SLC25A43: variants seen among roughly 807,000 people sequenced by gnomAD.
SLC25A43 encodes the protein solute carrier family 25, member 43.
Under a neutral mutation model 22.8 loss-of-function variants are expected in SLC25A43, and 10 were observed. The ratio of observed to expected loss-of-function variants is 0.44; its 90% CI spans 0.27 to 0.74. The LOEUF is 0.74. Among genes scored for constraint, SLC25A43 ranks in the 30% least tolerant of loss-of-function variants. The pLI, the probability that SLC25A43 is intolerant of heterozygous loss-of-function variation, is 0.17. For missense variants in SLC25A43, 233 were observed against 279.1 expected, an observed-to-expected ratio of 0.83 and a Z score of 1.18; for synonymous variants, 106 against 121.6, an observed-to-expected ratio of 0.87 and a Z score of 0.84.
At chrX:119,408,080 G>A (rs1000879315) in intron 2 of SLC25A43, among the ~76,000 whole-genome samples, 8 of 109,945 alleles carry the variant, frequency 7.3e-5, no homozygotes, top group Non-Finnish European at 1.5e-4. Flanking sequence ...TCATTTCACT[G>A]CTCTCCTTAA....
At position 119,410,211 on chromosome X, in the gene SLC25A43, G is replaced by C. The variant is rs1435302311; in HGVS notation, c.539G>C (p.Gly180Ala). The part of the protein sequence containing the change: ...TVVGALPFSA[G>A]SLLVYMNLEK... ...GCAGGTGCTCTCCCGTTCTCTGCTG[G>C]CTCCCTTCTTGTTTACATGAACCTG... Residue 180 changes from glycine (G) to alanine (A), a missense_variant, in exon 3 of 5, where the codon GGC becomes GCC. Transcript: ENST00000217909. 8.3e-7 allele frequency: 1 copy of C among 1,210,837 alleles called. No individual in the cohort carries two copies. Among genetic ancestry groups the C allele is most frequent in the Non-Finnish European group, 1.1e-6 (1 of 895,244 alleles).
chrX:119,400,054 T>A (rs1480806055), intron 1 of SLC25A43, among the ~76,000 whole-genome samples: 4 of 111,858 alleles, frequency 3.6e-5, no homozygotes, highest in Non-Finnish European at 7.5e-5. Context: ...TTTGGAAACT[T>A]TTGCTTAGGC....
intron 3 of SLC25A43, among the ~76,000 whole-genome samples, chrX:119,420,696 G>A (rs1027463979): frequency 2.7e-5 from 3 of 112,083 alleles, no homozygotes; most frequent in Admixed American, 9.5e-5. Context: ...TGCGATCCTT[G>A]TTGCACAGAG....
At chrX:119,427,812 G>A (rs763311859) in intron 3 of SLC25A43, among the ~76,000 whole-genome samples, 32 of 111,960 alleles carry the variant, frequency 2.9e-4, no homozygotes, top group Non-Finnish European at 5.1e-4. Flanking sequence ...GCTCCAGCTC[G>A]AAGACTCTTT....
chrX:119,441,210 T>C (rs1406893354), intron 3 of SLC25A43, among the ~76,000 whole-genome samples: 1 of 53,178 alleles, frequency 1.9e-5, no homozygotes, highest in Non-Finnish European at 3.4e-5. Context: ...AGCGCAATAT[T>C]CGGGTGGGAG....
At chrX:119,450,466 G>T (rs2052697781) in intron 3 of SLC25A43, among the ~76,000 whole-genome samples, 1 of 111,916 alleles carries the variant, frequency 8.9e-6, no homozygotes, top group African/African-American at 3.3e-5. Context: ...TGCAGAGAAG[G>T]AGCAGATAAA....
chrX:119,418,642 C>T (rs763874439), intron 3 of SLC25A43, among the ~76,000 whole-genome samples: 31 of 112,671 alleles, frequency 2.8e-4, no homozygotes, highest in Non-Finnish European at 4.9e-4. Flanking sequence ...CATGCTTACA[C>T]TCATTTTATC....
chrX:119,399,700 G>A, intron 1 of SLC25A43, 22 bp downstream of exon 1: 1 of 990,520 alleles, frequency 1.0e-6, no homozygotes, highest in Non-Finnish European at 1.3e-6. Flanking sequence ...GCGGGGCCGG[G>A]GAACCGGGAG....
chrX:119,427,019 A>G (rs1334834238), intron 3 of SLC25A43, among the ~76,000 whole-genome samples: 1 of 111,253 alleles, frequency 9.0e-6, no homozygotes, highest in African/African-American at 3.3e-5. Context: ...CTCCATGTGC[A>G]AGCACTGCAC....
chrX:119,414,810 C>G (rs185749025), intron 3 of SLC25A43, among the ~76,000 whole-genome samples: 1 of 108,306 alleles, frequency 9.2e-6, no homozygotes, highest in Non-Finnish European at 1.9e-5. Context: ...TGCAGTGGTG[C>G]GATCTCAGCT....
rs1303117303 is a variant in SLC25A43 at position 119,406,658 on chromosome X, A to G, written c.474A>G (p.Glu158=). The G allele has an allele frequency of 5.0e-6, 6 of 1,210,665 alleles. No homozygotes were observed. The Admixed American group carries it at 1.3e-4, about 26-fold the overall frequency. The change falls in exon 2 of 5, where the codon GAA becomes GAG. Residue 158 remains glutamate, a synonymous_variant. Coordinates refer to ENST00000217909, the MANE Select transcript of SLC25A43 (RefSeq NM_145305.3). The part of the protein sequence containing the change: ...LHAFSTIYQQ[E]GFLALYRGVS... ...CTTTTTCTACTATTTACCAACAGGA[A>G]GGGTTCCTTGCCCTTTATCGAGGGG...
intron 3 of SLC25A43, chrX:119,451,750 T>C (rs2052708978): frequency 2.3e-6 from 2 of 882,212 alleles, no homozygotes; most frequent in Non-Finnish European, 2.9e-6. Flanking sequence ...AAGTATGAAA[T>C]TGAATCTGTC....
At chrX:119,429,334 G>A (rs894734091) in intron 3 of SLC25A43, among the ~76,000 whole-genome samples, 1 of 111,663 alleles carries the variant, frequency 9.0e-6, no homozygotes, top group African/African-American at 3.3e-5. Context: ...ACAGGCGTGA[G>A]CTGCCGTGCC....
intron 3 of SLC25A43, 25 bp downstream of exon 3, chrX:119,410,387 G>A (rs758576312): frequency 1.7e-6 from 2 of 1,204,166 alleles, no homozygotes; most frequent in South Asian, 3.5e-5. Flanking sequence ...GAGTGGGGTA[G>A]GGGGTGGAAT....
At chrX:119,400,108 T>C (rs1240047676) in intron 1 of SLC25A43, among the ~76,000 whole-genome samples, 1 of 111,541 alleles carries the variant, frequency 9.0e-6, no homozygotes, top group African/African-American at 3.3e-5. Context: ...TTTTTGTCTG[T>C]GTGACCCAAG....
In SLC25A43 at chrX:119,452,153, G is replaced by A; in HGVS notation, c.825+10G>A. The A allele has an allele frequency of 8.4e-7, 1 of 1,185,092 alleles. No individual in the cohort carries two copies. The highest frequency in any genetic ancestry group is 1.1e-6 in the Non-Finnish European group (1 of 882,607). ...AGCCAATTTACTGAAGGTGAGAAGA[G>A]CCACCAGCCTCCGCTGCTCCCCTGC... is the stretch of plus-strand genomic sequence containing the variant. On this transcript the variant is annotated intron_variant, in intron 4 of 4. Coordinates refer to ENST00000217909, the MANE Select transcript of SLC25A43 (RefSeq NM_145305.3).
At chrX:119,408,871 G>A (rs2052322059) in intron 2 of SLC25A43, among the ~76,000 whole-genome samples, 1 of 110,319 alleles carries the variant, frequency 9.1e-6, no homozygotes, top group African/African-American at 3.3e-5. Context: ...ATTCCCAAAG[G>A]TGAAGTCAGG....
intron 3 of SLC25A43, among the ~76,000 whole-genome samples, chrX:119,441,435 C>G (rs1317630797): frequency 9.3e-6 from 1 of 107,125 alleles, no homozygotes; most frequent in Non-Finnish European, 1.9e-5. Flanking sequence ...TCTTCTGCGT[C>G]GCTCACGCTG....
At chrX:119,407,195 C>T (rs2052306225) in intron 2 of SLC25A43, among the ~76,000 whole-genome samples, 2 of 111,981 alleles carry the variant, frequency 1.8e-5, no homozygotes, top group Admixed American at 1.9e-4. Flanking sequence ...CAGGACCCCT[C>T]CAAGTCCTGG....
Sources: allele counts gnomAD v4.1 joint callset (sites outside exome capture counted in the v4.1 genomes callset), GRCh38; gene constraint gnomAD v4.1.1; transcripts MANE v1.5; gene names NCBI Gene and HGNC (gene_info 2026-07-23, HGNC 2026-07-21).